The following METTL5 variants were observed in gnomAD, a reference collection of about 807,000 sequenced individuals.
METTL5 encodes the protein methyltransferase 5, N6-adenosine.
A neutral mutation model predicts 26.5 loss-of-function variants in METTL5; 28 were observed. The observed-to-expected ratio is 1.06, with a 90% CI of 0.78 to 1.45. The LOEUF is 1.45. Among genes scored for constraint, METTL5 ranks in the 40% most tolerant of loss-of-function variants. The probability of loss-of-function intolerance (pLI) is 0.00; values close to 1 mark genes in which losing one functional copy is unlikely to be tolerated. For synonymous variants in METTL5, 86 were observed against 82.6 expected (o/e 1.04, Z -0.22); for missense variants, 231 against 249.9 (o/e 0.92, Z 0.51).
intron 3 of METTL5, among the ~76,000 whole-genome samples, chr2:169,820,525 T>C (rs1304756473): frequency 2.0e-5 from 3 of 152,252 alleles, no homozygotes; most frequent in Non-Finnish European, 2.9e-5. Context: ...TAATACAAAT[T>C]TGTAAAAATG....
intron 3 of METTL5, among the ~76,000 whole-genome samples, chr2:169,820,885 TTG>T (rs3049450): frequency 7.4e-5 from 11 of 147,924 alleles, no homozygotes; most frequent in Middle Eastern, 3.4e-3. Context: ...AAATTAAAAT[TTG>T]TGTGTGTGTG....
chr2:169,812,278 T>C (rs534760005), intron 6 of METTL5, 179 bp downstream of exon 6: 13 of 939,756 alleles, frequency 1.4e-5, no homozygotes, highest in East Asian at 5.1e-5. Flanking sequence ...CTCACTCTTA[T>C]CGCGCAGGCT....
intron 1 of METTL5, among the ~76,000 whole-genome samples, chr2:169,823,578 T>C (rs893608409): frequency 2.6e-5 from 4 of 152,206 alleles, no homozygotes; most frequent in Non-Finnish European, 4.4e-5. Flanking sequence ...TCAGCACTTC[T>C]TGAGGCCCCA....
chr2:169,824,723 C>A lies in METTL5; in HGVS notation c.-126G>T. 2.6e-6 allele frequency: 2 copies of A among 756,530 alleles called. No individual in the cohort carries two copies. The highest frequency in any genetic ancestry group is 5.3e-5 in the East Asian group (2 of 38,064). The allele number at this position is 756,530 out of a possible 1,614,324, so 46.9% of individuals were successfully genotyped here. The stretch of plus-strand genomic sequence containing the variant: ...CTTTTTCAGCACCGCTGGCCGGACC[C>A]GAAGACGCGCCCTAAGGAGACGCCC... On this transcript the variant is annotated 5_prime_UTR_variant, in exon 1 of 7. Transcript: ENST00000260953.
chr2:169,823,738 T>C (rs953629720), intron 1 of METTL5, among the ~76,000 whole-genome samples: 1 of 152,152 alleles, frequency 6.6e-6, no homozygotes, highest in Non-Finnish European at 1.5e-5. Context: ...GGAGGATCAC[T>C]TGAGTCCTGG....
In METTL5 at chr2:169,817,499, C is replaced by T. The variant is rs147704269; in HGVS notation, c.490-1971G>A. Among the ~76,000 whole-genome samples, 1,036 of 152,256 alleles carry T rather than the reference C, an allele frequency of 6.8e-3. 13 individuals are homozygous for T. The highest frequency in any genetic ancestry group is 0.023 in the African/African-American group (973 of 41,540). On this transcript the variant is annotated intron_variant, in intron 4 of 6. Transcript: ENST00000260953. ...ATGCACATGTATGTTTACTGCGGCA[C>T]TATTCACAATAGCAAAGACTTGGAA... is the stretch of plus-strand genomic sequence containing the variant.
intron 5 of METTL5, 70 bp from the exon 6 acceptor site, chr2:169,812,576 A>T: frequency 6.6e-7 from 1 of 1,513,424 alleles, no homozygotes; most frequent in Non-Finnish European, 9.0e-7. Flanking sequence ...CTAAACAACA[A>T]CAACAACAAA....
chr2:169,811,978 A>G (rs1490482947), intron 6 of METTL5, 120 bp from the exon 7 acceptor site: 3 of 1,165,690 alleles, frequency 2.6e-6, no homozygotes, highest in Non-Finnish European at 2.4e-6. Context: ...CAAAAGGAAG[A>G]TTCTTCCATT....
chr2:169,812,595 A>G, intron 5 of METTL5, 89 bp from the exon 6 acceptor site: 5 of 1,426,476 alleles, frequency 3.5e-6, no homozygotes, highest in Non-Finnish European at 4.8e-6. Context: ...AAAACTAAGA[A>G]AAGTGTTAAG....
chr2:169,817,695 CAT>C (rs2081527848), intron 4 of METTL5, among the ~76,000 whole-genome samples: 1 of 131,392 alleles, frequency 7.6e-6, no homozygotes, highest in African/African-American at 2.9e-5. Flanking sequence ...TGTTCTCACT[CAT>C]AAGTGGGAGT....
At chr2:169,818,068 T>C (rs1208234659) in intron 4 of METTL5, among the ~76,000 whole-genome samples, 3 of 152,172 alleles carry the variant, frequency 2.0e-5, no homozygotes, top group Non-Finnish European at 4.4e-5. Flanking sequence ...TTAATAATAG[T>C]GACTGACTGT....
In METTL5 at chr2:169,815,474, T is replaced by C; in HGVS notation, c.541+3A>G. On this transcript the variant is annotated splice_donor_region_variant and intron_variant, in intron 5 of 6. Transcript: ENST00000260953. ...TGGATATTAGGATTGAGATTTGTCT[T>C]ACCTGCTATAATATCTATCTTGATT... 1 of 1,595,758 alleles carries C rather than the reference T, an allele frequency of 6.3e-7. No individual in the cohort carries two copies. The highest frequency in any genetic ancestry group is 1.1e-5 in the South Asian group (1 of 88,246).
chr2:169,816,555 A>G (rs773729695), intron 4 of METTL5, among the ~76,000 whole-genome samples: 15 of 152,168 alleles, frequency 9.9e-5, no homozygotes, highest in Non-Finnish European at 1.9e-4. Context: ...TATACTACAA[A>G]GCTACAGTAA....
intron 1 of METTL5, among the ~76,000 whole-genome samples, chr2:169,823,129 A>G (rs1230029573): frequency 2.0e-5 from 3 of 151,970 alleles, no homozygotes; most frequent in Non-Finnish European, 2.9e-5. Context: ...CTATAGGCAC[A>G]TACTACCACA....
chr2:169,824,727 G>C lies in METTL5; in HGVS notation c.-130C>G, dbSNP rs2081630708. On this transcript the variant is annotated 5_prime_UTR_variant, in exon 1 of 7. Coordinates refer to ENST00000260953, the MANE Select transcript of METTL5 (RefSeq NM_014168.4). ...TTCAGCACCGCTGGCCGGACCCGAA[G>C]ACGCGCCCTAAGGAGACGCCCGGAC... is the stretch of plus-strand genomic sequence containing the variant. 4.0e-6 allele frequency: 3 copies of C among 746,934 alleles called. No homozygotes were observed. The East Asian group carries it at 7.9e-5, about 20-fold the overall frequency. The allele number at this position is 746,934 out of a possible 1,614,324, so 46.3% of individuals were successfully genotyped here. A position where few individuals can be genotyped will look rare whatever the true frequency, so the allele number is the denominator to read the frequency against.
rs1558974382 is a variant in METTL5 at position 169,811,996 on chromosome 2, C to G, written c.592-138G>C. 1.6e-5 allele frequency: 16 copies of G among 978,032 alleles called. 1 individual carries two copies. Among genetic ancestry groups the G allele is most frequent in the South Asian group, 3.3e-5 (2 of 61,156 alleles). The allele number at this position is 978,032 out of a possible 1,614,324, so 60.6% of individuals were successfully genotyped here. A position where few individuals can be genotyped will look rare whatever the true frequency, so the allele number is the denominator to read the frequency against. On this transcript the variant is annotated intron_variant, in intron 6 of 6. Transcript: ENST00000260953. ...AAGGAAGATTCTTCCATTAAATTGC[C>G]TTTGTAATATGAGAATGTATTAGTA...
At chr2:169,814,865 G>A (rs1277339238) in intron 5 of METTL5, among the ~76,000 whole-genome samples, 4 of 149,566 alleles carry the variant, frequency 2.7e-5, no homozygotes, top group East Asian at 2.0e-4. Context: ...GTGAGCTACC[G>A]CGCCCGGCCC....
rs899059403 is a variant in METTL5 at position 169,824,823 on chromosome 2, C to G, written c.-226G>C. ...GCCGCCCCAGGAGACGGCGGCGGCG[C>G]ACTGCTGGAGCAGCCTCAGGATCCC... On this transcript the variant is annotated 5_prime_UTR_variant, in exon 1 of 7. Coordinates refer to ENST00000260953, the MANE Select transcript of METTL5 (RefSeq NM_014168.4). The G allele has an allele frequency of 4.4e-6, 2 of 459,010 alleles. No individual in the cohort carries two copies. Among genetic ancestry groups the G allele is most frequent in the Non-Finnish European group, 8.0e-6 (2 of 250,164 alleles). The allele number at this position is 459,010 out of a possible 1,614,324, so 28.4% of individuals were successfully genotyped here. A position where few individuals can be genotyped will look rare whatever the true frequency, so the allele number is the denominator to read the frequency against.
intron 3 of METTL5, 125 bp from the exon 4 acceptor site, chr2:169,819,768 G>A (rs187335273): frequency 8.6e-6 from 5 of 579,036 alleles, no homozygotes; most frequent in East Asian, 2.9e-5. Flanking sequence ...TAGCAATAAG[G>A]GTACAAATAA....
Sources: allele counts gnomAD v4.1 joint callset (sites outside exome capture counted in the v4.1 genomes callset), GRCh38; gene constraint gnomAD v4.1.1; transcripts MANE v1.5; gene names NCBI Gene and HGNC (gene_info 2026-07-23, HGNC 2026-07-21).